CEP128: variants seen among roughly 807,000 people sequenced by gnomAD.
CEP128 encodes the protein centrosomal protein 128, also known as centrosomal protein 128kDa.
CEP128 carries 132 observed loss-of-function variants against 156.7 expected under a neutral mutation model. That is an observed-to-expected ratio of 0.84 (90% CI 0.73 to 0.97). The LOEUF is 0.97. Ranked by LOEUF, CEP128 falls within the 50% of genes least tolerant of loss-of-function variation. The pLI is 0.00. For synonymous variants in CEP128, 469 were observed against 448.9 expected, an observed-to-expected ratio of 1.04 and a Z score of -0.57; for missense variants, 1,252 against 1,281.9, an observed-to-expected ratio of 0.98 and a Z score of 0.36.
Position 80,652,040 on chromosome 14 carries a change from G to A in CEP128, c.2807-71617C>T, listed in dbSNP as rs1279429252. On this transcript the variant is annotated intron_variant, in intron 19 of 24. Coordinates refer to ENST00000555265, the MANE Select transcript of CEP128 (RefSeq NM_152446.5). The stretch of plus-strand genomic sequence containing the variant: ...TTAAAGTCTCCCACTATTATGGTGT[G>A]GGAGCCTGACCATCGGATCTTTGAC... Among the ~76,000 whole-genome samples, 9 of 151,894 alleles carry A rather than the reference G, an allele frequency of 5.9e-5. No individual in the cohort carries two copies. The South Asian group carries it at 1.7e-3, about 28-fold the overall frequency.
intron 7 of CEP128, 111 bp downstream of exon 7, chr14:80,899,827 T>A (rs1223354765): frequency 2.9e-6 from 2 of 690,488 alleles, no homozygotes; most frequent in Non-Finnish European, 5.0e-6. Context: ...TTTAAGGTAC[T>A]GTATACAAAC....
chr14:80,831,041 G>A (rs7156572), intron 13 of CEP128, 102 bp downstream of exon 13: 577,880 of 974,440 alleles, frequency 0.59, 173,913 homozygotes, highest in East Asian at 0.78. Context: ...TGCTCACACT[G>A]GAGTTCATAA....
At chr14:80,819,124 A>C (rs1885022775) in intron 13 of CEP128, among the ~76,000 whole-genome samples, 1 of 152,128 alleles carries the variant, frequency 6.6e-6, no homozygotes, top group Admixed American at 6.5e-5. Context: ...CAAAGATCTG[A>C]ATACTATCTT....
At chr14:80,662,700 T>C (rs1249681836) in intron 19 of CEP128, among the ~76,000 whole-genome samples, 2 of 152,196 alleles carry the variant, frequency 1.3e-5, no homozygotes, top group African/African-American at 2.4e-5. Context: ...TGGGATAACA[T>C]ATCTTTTTTA....
rs796700170 is a variant in CEP128 at position 80,764,505 on chromosome 14, C to CA, written c.2377-2893dup. ...TGGGCGACAGAGCGAGACTCCGTCTCAAAAAAAAAAAGAAAAAAAAAAAAG... is the reference window on the plus strand; with the variant it reads ...TGGGCGACAGAGCGAGACTCCGTCTCAAAAAAAAAAAAGAAAAAAAAAAAAG... On this transcript the variant is annotated intron_variant, in intron 16 of 24. Coordinates refer to ENST00000555265, the MANE Select transcript of CEP128 (RefSeq NM_152446.5). Among the ~76,000 whole-genome samples the CA allele has an allele frequency of 5.1e-3, 444 of 87,442 alleles. 3 individuals carry two copies. Among genetic ancestry groups the CA allele is most frequent in the South Asian group, 7.4e-3 (19 of 2,584 alleles). 57.4% of individuals were successfully genotyped at this position (87,442 alleles called of 152,430 possible). A position where few individuals can be genotyped will look rare whatever the true frequency, so the allele number is the denominator to read the frequency against.
chr14:80,514,508 CT>C, intron 23 of CEP128, among the ~76,000 whole-genome samples: 1 of 152,176 alleles, frequency 6.6e-6, no homozygotes, highest in Middle Eastern at 3.4e-3. Context: ...TTTTGAGTCA[CT>C]CTGATGCATT....
intron 10 of CEP128, among the ~76,000 whole-genome samples, chr14:80,839,812 T>G (rs1004322803): frequency 6.6e-6 from 1 of 152,104 alleles, no homozygotes; most frequent in African/African-American, 2.4e-5. Context: ...TAAGTGGGGA[T>G]CACAGAATCC....
chr14:80,784,589 T>C (rs1901296729), intron 15 of CEP128, among the ~76,000 whole-genome samples: 1 of 152,178 alleles, frequency 6.6e-6, no homozygotes, highest in African/African-American at 2.4e-5. Flanking sequence ...TAGGAGGTCA[T>C]AAATGTTGAA....
At chr14:80,621,682 C>T (rs1309142347) in intron 19 of CEP128, among the ~76,000 whole-genome samples, 1 of 152,172 alleles carries the variant, frequency 6.6e-6, no homozygotes, top group African/African-American at 2.4e-5. Flanking sequence ...CTTTTTCTCA[C>T]ATGTCAAGCT....
chr14:80,759,535 C>T (rs1346973859), intron 17 of CEP128, among the ~76,000 whole-genome samples: 1 of 152,070 alleles, frequency 6.6e-6, no homozygotes, highest in Non-Finnish European at 1.5e-5. Flanking sequence ...TTGAGCATTC[C>T]ATTTTTCTTT....
rs187206757 is a variant in CEP128 at position 80,700,508 on chromosome 14, T to C, written c.2806+42567A>G. ...TAAACCAAAGAATAATACACATCTA[T>C]CACGTTATTCATTGACCCCCCCCAA... On this transcript the variant is annotated intron_variant, in intron 19 of 24. Coordinates refer to ENST00000555265, the MANE Select transcript of CEP128 (RefSeq NM_152446.5). Among the ~76,000 whole-genome samples the C allele has an allele frequency of 3.3e-5, 5 of 151,754 alleles. No individual in the cohort carries two copies. The East Asian group carries it at 5.8e-4, about 18-fold the overall frequency.
At chr14:80,774,507 T>C (rs1425951087) in intron 16 of CEP128, among the ~76,000 whole-genome samples, 3 of 152,214 alleles carry the variant, frequency 2.0e-5, no homozygotes, top group African/African-American at 7.2e-5. Flanking sequence ...TTTTCCTTCA[T>C]TGAAAACATA....
At chr14:80,742,592 G>A (rs78854094) in intron 19 of CEP128, among the ~76,000 whole-genome samples, 7,320 of 152,070 alleles carry the variant, frequency 0.048, 207 homozygotes, top group Non-Finnish European at 0.065. Context: ...TGATTACAAC[G>A]TTCTAATATA....
chr14:80,750,598 AC>A, intron 18 of CEP128, among the ~76,000 whole-genome samples: 1 of 152,266 alleles, frequency 6.6e-6, no homozygotes, highest in African/African-American at 2.4e-5. Flanking sequence ...AAATCACTTC[AC>A]GTTGCCTTTT....
At chr14:80,895,322 G>C (rs901758811) in intron 8 of CEP128, among the ~76,000 whole-genome samples, 2 of 152,084 alleles carry the variant, frequency 1.3e-5, no homozygotes, top group Non-Finnish European at 2.9e-5. Context: ...CCTGAAAATG[G>C]GGAGTGCTAC....
At chr14:80,939,155 G>A (rs1452386195) in intron 2 of CEP128, among the ~76,000 whole-genome samples, 1 of 152,134 alleles carries the variant, frequency 6.6e-6, no homozygotes, top group Non-Finnish European at 1.5e-5. Flanking sequence ...AATAGAAACA[G>A]GTACATCACT....
chr14:80,507,205 T>C (rs1888018840), intron 23 of CEP128, among the ~76,000 whole-genome samples: 1 of 152,006 alleles, frequency 6.6e-6, no homozygotes, highest in Non-Finnish European at 1.5e-5. Flanking sequence ...CAGGTATTTC[T>C]TTACAGCAAC....
intron 19 of CEP128, among the ~76,000 whole-genome samples, chr14:80,625,645 GT>G (rs1246849068): frequency 2.6e-5 from 4 of 151,952 alleles, no homozygotes; most frequent in African/African-American, 9.7e-5. Context: ...GTGTTTTGTA[GT>G]TTTGTTATCG....
At chr14:80,782,843 C>A (rs1416839200) in intron 15 of CEP128, among the ~76,000 whole-genome samples, 4 of 152,150 alleles carry the variant, frequency 2.6e-5, no homozygotes, top group African/African-American at 9.7e-5. Context: ...AAATGTCTTA[C>A]CTGGGTTTCC....
Sources: allele counts gnomAD v4.1 joint callset (sites outside exome capture counted in the v4.1 genomes callset), GRCh38; gene constraint gnomAD v4.1.1; transcripts MANE v1.5; gene names NCBI Gene and HGNC (gene_info 2026-07-23, HGNC 2026-07-21).